SCHIP1: variants seen among roughly 807,000 people sequenced by gnomAD.
The protein encoded by SCHIP1 is schwannomin-interacting protein 1.
A neutral mutation model predicts 29.7 loss-of-function variants in SCHIP1; 8 were observed. That is an observed-to-expected ratio of 0.27 (90% CI 0.16 to 0.49). The LOEUF (loss-of-function observed/expected upper bound fraction) is 0.49. Ranked by LOEUF, SCHIP1 falls within the 20% of genes least tolerant of loss-of-function variation. The probability of loss-of-function intolerance (pLI) is 0.99; values close to 1 mark genes in which losing one functional copy is unlikely to be tolerated. For synonymous variants in SCHIP1, 76 were observed against 94.9 expected, an observed-to-expected ratio of 0.80 and a Z score of 1.16; for missense variants, 193 against 294.6, an observed-to-expected ratio of 0.66 and a Z score of 2.52.
chr3:159,604,723 C>G, the SCHIP1 span, among the ~76,000 whole-genome samples: 1 of 152,318 alleles, frequency 6.6e-6, no homozygotes, highest in East Asian at 1.9e-4. Context: ...AAATTTCAGA[C>G]TTTGTCAGCA....
At chr3:159,397,827 C>T in the SCHIP1 span, among the ~76,000 whole-genome samples, 1 of 152,342 alleles carries the variant, frequency 6.6e-6, no homozygotes, top group East Asian at 1.9e-4. Flanking sequence ...GGCAGGCAGG[C>T]CTCTTTGAGC....
At chr3:159,506,905 C>T in the SCHIP1 span, among the ~76,000 whole-genome samples, 2 of 152,134 alleles carry the variant, frequency 1.3e-5, no homozygotes, top group African/African-American at 4.8e-5. Context: ...TAGCGTGATG[C>T]CCCCAGCTTT....
the SCHIP1 span, among the ~76,000 whole-genome samples, chr3:159,659,518 C>A: frequency 6.6e-6 from 1 of 152,164 alleles, no homozygotes; most frequent in Non-Finnish European, 1.5e-5. Flanking sequence ...CTACAAGAAC[C>A]ATCAGACCAT....
chr3:159,762,051 GCTAT>G, the SCHIP1 span, among the ~76,000 whole-genome samples: 3 of 152,170 alleles, frequency 2.0e-5, no homozygotes, highest in Non-Finnish European at 4.4e-5. Flanking sequence ...CTGAAAAACA[GCTAT>G]CTAATTCCCA....
At chr3:159,500,955 C>A in the SCHIP1 span, among the ~76,000 whole-genome samples, 51 of 152,192 alleles carry the variant, frequency 3.4e-4, no homozygotes, top group African/African-American at 1.1e-3. Flanking sequence ...ACAAATTAGG[C>A]CTTAATTCTT....
the SCHIP1 span, among the ~76,000 whole-genome samples, chr3:159,519,605 T>TA: frequency 1.3e-5 from 2 of 152,060 alleles, no homozygotes; most frequent in African/African-American, 2.4e-5. Context: ...TAAAAACTTT[T>TA]AAAAAAAATT....
intron 2 of SCHIP1, among the ~76,000 whole-genome samples, chr3:159,869,889 CAT>C (rs1380805094): frequency 6.6e-6 from 1 of 151,986 alleles, no homozygotes; most frequent in Admixed American, 6.6e-5. Flanking sequence ...AAGGTTTAGA[CAT>C]ATTACACATC....
At chr3:159,408,999 A>G in the SCHIP1 span, among the ~76,000 whole-genome samples, 4 of 152,190 alleles carry the variant, frequency 2.6e-5, no homozygotes, top group Admixed American at 2.0e-4. Flanking sequence ...AAATCAATCA[A>G]TGTGATACAT....
At chr3:159,626,291 G>T in the SCHIP1 span, among the ~76,000 whole-genome samples, 3 of 142,400 alleles carry the variant, frequency 2.1e-5, no homozygotes, top group Admixed American at 1.4e-4. Flanking sequence ...TAGATAGATA[G>T]ATAGATAGAT....
the SCHIP1 span, among the ~76,000 whole-genome samples, chr3:159,427,496 G>A: frequency 6.6e-6 from 1 of 152,092 alleles, no homozygotes; most frequent in Non-Finnish European, 1.5e-5. Context: ...CAAGGGATGT[G>A]AAGGACCTCT....
chr3:159,420,562 A>T, the SCHIP1 span, among the ~76,000 whole-genome samples: 3 of 152,170 alleles, frequency 2.0e-5, no homozygotes, highest in Non-Finnish European at 4.4e-5. Context: ...GATGATTGCC[A>T]TTTAGGCCAT....
At chr3:159,324,122 G>A in the SCHIP1 span, among the ~76,000 whole-genome samples, 1 of 152,068 alleles carries the variant, frequency 6.6e-6, no homozygotes, top group Non-Finnish European at 1.5e-5. Context: ...GCGGGTTACT[G>A]CAGCCTGTGA....
the SCHIP1 span, among the ~76,000 whole-genome samples, chr3:159,680,870 G>T: frequency 1.4e-5 from 2 of 147,920 alleles, no homozygotes; most frequent in Non-Finnish European, 1.5e-5. Flanking sequence ...GTTATTTTTT[G>T]AATGTTTAGT....
At chr3:159,888,609 T>C in intron 4 of SCHIP1, 2 of 487,952 alleles carry the variant, frequency 4.1e-6, no homozygotes, top group Non-Finnish European at 6.7e-6. Flanking sequence ...CTTTTGATGC[T>C]GGTAGTGTTG....
the SCHIP1 span, among the ~76,000 whole-genome samples, chr3:159,712,868 G>A: frequency 3.3e-5 from 5 of 151,000 alleles, no homozygotes; most frequent in Non-Finnish European, 1.5e-5. Context: ...AAGAGAGAGA[G>A]AAAGAAAGGC....
chr3:159,372,310 C>A, the SCHIP1 span, among the ~76,000 whole-genome samples: 7 of 152,072 alleles, frequency 4.6e-5, no homozygotes, highest in Admixed American at 6.6e-5. Flanking sequence ...AAAATAAAGA[C>A]CTTCAATTTC....
At chr3:159,289,300 A>G in the SCHIP1 span, among the ~76,000 whole-genome samples, 1 of 152,322 alleles carries the variant, frequency 6.6e-6, no homozygotes, top group East Asian at 1.9e-4. Context: ...TGTAAAATCC[A>G]AATTCCTTGC....
chr3:159,488,360 A>G, the SCHIP1 span, among the ~76,000 whole-genome samples: 1 of 152,214 alleles, frequency 6.6e-6, no homozygotes, highest in Non-Finnish European at 1.5e-5. Context: ...AAGAAAGGAT[A>G]AATGCTTGAG....
the SCHIP1 span, among the ~76,000 whole-genome samples, chr3:159,599,368 T>A: frequency 6.6e-6 from 1 of 152,182 alleles, no homozygotes; most frequent in South Asian, 2.1e-4. Flanking sequence ...TCAAGCAGTG[T>A]ACACTGTACC....
Sources: gnomAD v4.1 joint callset for allele counts (sites outside exome capture counted in the v4.1 genomes callset) on GRCh38, gnomAD v4.1.1 for gene constraint, MANE v1.5 for transcripts, NCBI Gene and HGNC (gene_info 2026-07-23, HGNC 2026-07-21) for gene names.